Variants in ASIP observed in about 807,000 individuals in gnomAD.
The protein encoded by ASIP is agouti-signaling protein.
A neutral mutation model predicts 10.3 loss-of-function variants in ASIP; 11 were observed. That is an observed-to-expected ratio of 1.07 (90% CI 0.68 to 1.78). The LOEUF (loss-of-function observed/expected upper bound fraction) is 1.78, where lower values mean the gene tolerates loss of function less well. Among genes scored for constraint, ASIP ranks in the 40% most tolerant of loss-of-function variants. The pLI is 0.00. For synonymous variants in ASIP, 70 were observed against 70.8 expected, an observed-to-expected ratio of 0.99 and a Z score of 0.06; for missense variants, 180 against 169.2, an observed-to-expected ratio of 1.06 and a Z score of -0.35.
chr20:34,249,822 T>C (rs1171675400), intron 1 of ASIP, among the ~76,000 whole-genome samples: 1 of 152,182 alleles, frequency 6.6e-6, no homozygotes, highest in African/African-American at 2.4e-5. Flanking sequence ...GAGAACCCAT[T>C]ATGGACCCAG....
At chr20:34,260,593 G>A (rs2035673608) in intron 2 of ASIP, 59 bp downstream of exon 2, 1 of 1,513,360 alleles carries the variant, frequency 6.6e-7, no homozygotes, top group Non-Finnish European at 9.0e-7. Context: ...GATCAAGCAT[G>A]CTTCCCAGGG....
At chr20:34,247,784 A>T (rs73253103) in intron 1 of ASIP, among the ~76,000 whole-genome samples, 4,094 of 152,126 alleles carry the variant, frequency 0.027, 217 homozygotes, top group African/African-American at 0.095. Flanking sequence ...TTTTGTGGAG[A>T]TGAGGTCTTG....
chr20:34,254,931 A>C (rs2035542876), intron 1 of ASIP, among the ~76,000 whole-genome samples: 2 of 152,156 alleles, frequency 1.3e-5, no homozygotes, highest in Admixed American at 6.6e-5. Context: ...GTCCAACTGT[A>C]TGGTTCTACC....
chr20:34,214,057 A>G lies in ASIP; in HGVS notation c.-11+19297A>G, dbSNP rs7262712. ...TTCTGCCGGGTATTCATTATTAACA[A>G]TCATCACTCCAACTGTCTCATAAAT... On this transcript the variant is annotated intron_variant, in intron 1 of 3. Coordinates refer to the ASIP transcript ENST00000568305. 0.021 allele frequency: 27,113 copies of G among 1,279,540 alleles called. 4,356 individuals are homozygous for G. The African/African-American group carries it at 0.35, about 16-fold the overall frequency. The allele number at this position is 1,279,540 out of a possible 1,614,324, so 79.3% of individuals were successfully genotyped here.
At position 34,196,322 on chromosome 20, in the gene ASIP, C is replaced by T. The variant is rs1320841847; in HGVS notation, c.-11+1562C>T. 4.6e-5 allele frequency among the ~76,000 whole-genome samples: 7 copies of T among 151,478 alleles called. No individual in the cohort carries two copies. The South Asian group carries it at 6.3e-4, about 14-fold the overall frequency. ...AGCCTCCCGAGTAGCTACAGGCGCC[C>T]GCCACCACGCCCAGCTAATTTTTTG... On this transcript the variant is annotated intron_variant, in intron 1 of 3. Transcript: ENST00000568305.
At chr20:34,220,021 C>T (rs6059730) in intron 1 of ASIP, among the ~76,000 whole-genome samples, 129 of 151,910 alleles carry the variant, frequency 8.5e-4, no homozygotes, top group African/African-American at 3.0e-3. Flanking sequence ...ACCCGGGAAG[C>T]GGAGCTTGCA....
At chr20:34,223,580 C>CCG (rs2035070159) in intron 1 of ASIP, among the ~76,000 whole-genome samples, 4 of 100,328 alleles carry the variant, frequency 4.0e-5, no homozygotes, top group African/African-American at 9.6e-5. Flanking sequence ...CAGCCGTGCC[C>CCG]TCCGGGAGGG....
chr20:34,223,705 C>G (rs1434980173), intron 1 of ASIP, among the ~76,000 whole-genome samples: 1 of 144,734 alleles, frequency 6.9e-6, no homozygotes, highest in African/African-American at 2.6e-5. Flanking sequence ...GCCACCACCC[C>G]GTCTGGGAGG....
intron 1 of ASIP, among the ~76,000 whole-genome samples, chr20:34,232,351 G>A (rs190661950): frequency 5.3e-5 from 8 of 152,266 alleles, no homozygotes; most frequent in South Asian, 2.1e-4. Flanking sequence ...AGCATCCACC[G>A]TCAGTTCTAC....
At chr20:34,255,074 C>T (rs80149300) in intron 1 of ASIP, among the ~76,000 whole-genome samples, 3,124 of 152,238 alleles carry the variant, frequency 0.021, 52 homozygotes, top group Middle Eastern at 0.031. Context: ...ATAGTGTTTA[C>T]ATTAGGCTTA....
At chr20:34,260,252 A>C in intron 1 of ASIP, 113 bp from the exon 2 acceptor site, 2 of 1,066,504 alleles carry the variant, frequency 1.9e-6, no homozygotes, top group East Asian at 4.8e-5. Flanking sequence ...CTCCACCAGG[A>C]CACTTGCCTA....
the ASIP span, among the ~76,000 whole-genome samples, chr20:34,188,836 A>G: frequency 6.6e-6 from 1 of 152,114 alleles, no homozygotes; most frequent in Non-Finnish European, 1.5e-5. Flanking sequence ...CCGGAGCCCA[A>G]ACAAAATTAC....
intron 1 of ASIP, among the ~76,000 whole-genome samples, chr20:34,232,529 T>G (rs985508829): frequency 3.3e-5 from 5 of 152,186 alleles, no homozygotes; most frequent in African/African-American, 1.2e-4. Context: ...CCTGCAGTAT[T>G]GACCTCAGAG....
At chr20:34,260,650 C>T in intron 2 of ASIP, 116 bp downstream of exon 2, 1 of 1,203,580 alleles carries the variant, frequency 8.3e-7, no homozygotes, top group Non-Finnish European at 1.1e-6. Context: ...CTTGCTCGTT[C>T]CAGGAAATAA....
chr20:34,188,783 C>T, the ASIP span, among the ~76,000 whole-genome samples: 2 of 152,122 alleles, frequency 1.3e-5, no homozygotes, highest in African/African-American at 4.8e-5. Context: ...CCTGACATTG[C>T]TATTCAAATG....
intron 1 of ASIP, chr20:34,213,391 G>A (rs2034986921): frequency 1.6e-6 from 1 of 635,944 alleles, no homozygotes; most frequent in Admixed American, 2.7e-5. Context: ...GCCAGAGAGT[G>A]GAGTGTTGCT....
upstream of ASIP, among the ~76,000 whole-genome samples, chr20:34,192,485 T>C (rs1484386909): frequency 6.6e-6 from 1 of 151,924 alleles, no homozygotes; most frequent in Non-Finnish European, 1.5e-5. Flanking sequence ...CTTTTCTTTG[T>C]TTCTTTCTCT....
chr20:34,214,473 T>A (rs2034994419), intron 1 of ASIP: 1 of 1,499,836 alleles, frequency 6.7e-7, no homozygotes, highest in Non-Finnish European at 9.3e-7. Flanking sequence ...GTGAGCACCA[T>A]GAGATAGATA....
chr20:34,245,554 A>C (rs897979655), intron 1 of ASIP, among the ~76,000 whole-genome samples: 6 of 151,330 alleles, frequency 4.0e-5, no homozygotes, highest in African/African-American at 1.5e-4. Context: ...TGCCTGGCTA[A>C]ATTTTGTATT....
Sources: gnomAD v4.1 joint callset for allele counts (sites outside exome capture counted in the v4.1 genomes callset) on GRCh38, gnomAD v4.1.1 for gene constraint, MANE v1.5 for transcripts, NCBI Gene and HGNC (gene_info 2026-07-23, HGNC 2026-07-21) for gene names.